The following NEDD4L variants were observed in gnomAD, a reference collection of about 807,000 sequenced individuals.
The protein encoded by NEDD4L is NEDD4 like E3 ubiquitin protein ligase.
Under a neutral mutation model 148.9 loss-of-function variants are expected in NEDD4L, and 54 were observed. That is an observed-to-expected ratio of 0.36 (90% confidence interval 0.29 to 0.45). The LOEUF (loss-of-function observed/expected upper bound fraction) is 0.45, where lower values mean the gene tolerates loss of function less well. Ranked by LOEUF, NEDD4L falls within the 20% of genes least tolerant of loss-of-function variation. The pLI is 1.00. For synonymous variants in NEDD4L, 433 were observed against 440.7 expected (o/e 0.98, Z 0.22); for missense variants, 856 against 1,233.8 (o/e 0.69, Z 4.59).
In NEDD4L at chr18:58,400,085, C is replaced by T. The variant is rs2050754494; in HGVS notation, c.*3816C>T. 1 of 152,372 alleles carries T rather than the reference C, an allele frequency of 6.6e-6. No individual in the cohort carries two copies. The highest frequency in any genetic ancestry group is 2.1e-4 in the South Asian group (1 of 4,832). The allele number at this position is 152,372 out of a possible 1,614,324, so 9.4% of individuals were successfully genotyped here. On this transcript the variant is annotated 3_prime_UTR_variant, in exon 31 of 31. Coordinates refer to ENST00000400345, the MANE Select transcript of NEDD4L (RefSeq NM_001144967.3). ...ACTGTGCTAGTTCTCCTTCTTCTGTCTCCTCCTTACCCTGGCCCTGCACCC... is the reference window on the plus strand; with the variant it reads ...ACTGTGCTAGTTCTCCTTCTTCTGTTTCCTCCTTACCCTGGCCCTGCACCC...
chr18:58,187,839 T>C (rs1348114202), intron 2 of NEDD4L, among the ~76,000 whole-genome samples: 1 of 152,000 alleles, frequency 6.6e-6, no homozygotes, highest in Non-Finnish European at 1.5e-5. Context: ...GTGCATTTCA[T>C]TTCTCTTTGG....
chr18:58,397,975 C>G lies in NEDD4L; in HGVS notation c.*1706C>G, dbSNP rs1014210296. 3 of 151,934 alleles carry G rather than the reference C, an allele frequency of 2.0e-5. No homozygotes were observed. Among genetic ancestry groups the G allele is most frequent in the Non-Finnish European group, 2.9e-5 (2 of 67,964 alleles). The allele number at this position is 151,934 out of a possible 1,614,324, so 9.4% of individuals were successfully genotyped here. ...GGTGTAAGAAATTGCCGTTTTTACC[C>G]TGCCCTGGCTGGCATGTGAGAAGCC... On this transcript the variant is annotated 3_prime_UTR_variant, in exon 31 of 31. Coordinates refer to ENST00000400345, the MANE Select transcript of NEDD4L (RefSeq NM_001144967.3).
chr18:58,390,446 G>A (rs149146719), intron 28 of NEDD4L, 200 bp from the exon 29 acceptor site: 14 of 479,656 alleles, frequency 2.9e-5, no homozygotes, highest in African/African-American at 9.6e-5. Context: ...AGAAAGAGAC[G>A]GACATTGTGA....
chr18:58,167,647 G>T (rs1327124584), intron 2 of NEDD4L, among the ~76,000 whole-genome samples: 1 of 151,996 alleles, frequency 6.6e-6, no homozygotes, highest in Non-Finnish European at 1.5e-5. Context: ...TGCTAGATTA[G>T]AAATTTACTG....
chr18:58,052,193 T>G (rs1257438798), intron 1 of NEDD4L, among the ~76,000 whole-genome samples: 3 of 152,236 alleles, frequency 2.0e-5, no homozygotes, highest in African/African-American at 7.2e-5. Context: ...AGCTGATAAT[T>G]ATCACAACTA....
chr18:58,285,615 C>T (rs1418327212), intron 5 of NEDD4L, among the ~76,000 whole-genome samples: 1 of 152,196 alleles, frequency 6.6e-6, no homozygotes, highest in Non-Finnish European at 1.5e-5. Flanking sequence ...GCTAGCCCAG[C>T]CTAAGCCCAG....
chr18:58,188,958 G>A (rs2039783747), intron 2 of NEDD4L, among the ~76,000 whole-genome samples: 1 of 151,840 alleles, frequency 6.6e-6, no homozygotes, highest in Non-Finnish European at 1.5e-5. Context: ...TCTCTCCCGG[G>A]CCACTTTGTC....
intron 6 of NEDD4L, among the ~76,000 whole-genome samples, chr18:58,320,629 C>T (rs1190975695): frequency 6.6e-6 from 1 of 152,106 alleles, no homozygotes; most frequent in East Asian, 1.9e-4. Flanking sequence ...GCCTGGGCAA[C>T]ATAGGAAGAC....
intron 24 of NEDD4L, among the ~76,000 whole-genome samples, chr18:58,381,366 A>G (rs931097902): frequency 6.6e-6 from 1 of 151,944 alleles, no homozygotes; most frequent in Non-Finnish European, 1.5e-5. Flanking sequence ...TCCCCTCCCC[A>G]CTTTGTCTGT....
intron 13 of NEDD4L, 34 bp downstream of exon 13, chr18:58,335,571 G>A: frequency 6.7e-7 from 1 of 1,503,200 alleles, no homozygotes. Context: ...TCAATAGCAA[G>A]AGGCCGTGAG....
chr18:58,059,167 G>A (rs930943830), intron 1 of NEDD4L, among the ~76,000 whole-genome samples: 7 of 152,056 alleles, frequency 4.6e-5, no homozygotes, highest in African/African-American at 1.7e-4. Flanking sequence ...GGGCTCAGCG[G>A]TTTCTCCCAC....
chr18:58,285,350 A>T (rs2149031764), intron 5 of NEDD4L, among the ~76,000 whole-genome samples: 1 of 152,050 alleles, frequency 6.6e-6, no homozygotes, highest in Non-Finnish European at 1.5e-5. Flanking sequence ...TGTGTTTGAG[A>T]TAGGGTCTTG....
chr18:58,365,192 G>A (rs2045956387), intron 20 of NEDD4L, among the ~76,000 whole-genome samples: 1 of 152,194 alleles, frequency 6.6e-6, no homozygotes, highest in South Asian at 2.1e-4. Flanking sequence ...TGATTCAAGA[G>A]CTTGCGGGTA....
intron 15 of NEDD4L, 64 bp downstream of exon 15, chr18:58,341,861 C>G: frequency 6.4e-7 from 1 of 1,557,482 alleles, no homozygotes; most frequent in Admixed American, 1.9e-5. Flanking sequence ...TTTCTTCTCT[C>G]TTAACTCTGC....
At chr18:58,316,084 T>A (rs1180736616) in intron 6 of NEDD4L, 52 bp downstream of exon 6, 3 of 1,424,868 alleles carry the variant, frequency 2.1e-6, no homozygotes, top group Non-Finnish European at 3.0e-6. Context: ...GGGTTTCTAA[T>A]TGTTTGTAGT....
chr18:58,291,238 A>T (rs1422988701), intron 5 of NEDD4L, among the ~76,000 whole-genome samples: 1 of 152,192 alleles, frequency 6.6e-6, no homozygotes, highest in Non-Finnish European at 1.5e-5. Context: ...GGTCACACAG[A>T]AAACCGGGCT....
intron 1 of NEDD4L, among the ~76,000 whole-genome samples, chr18:58,086,773 C>G (rs77984738): frequency 0.083 from 12,570 of 152,246 alleles, 623 homozygotes; most frequent in Admixed American, 0.15. Context: ...TGATAGTTAT[C>G]TAATGTTGTG....
intron 19 of NEDD4L, among the ~76,000 whole-genome samples, chr18:58,358,870 A>G (rs1351237512): frequency 6.6e-6 from 1 of 151,994 alleles, no homozygotes; most frequent in East Asian, 1.9e-4. Flanking sequence ...GGTTGTGCCT[A>G]TTCATTTTTT....
chr18:58,368,018 C>T, intron 22 of NEDD4L, 151 bp downstream of exon 22: 1 of 418,878 alleles, frequency 2.4e-6, no homozygotes, highest in Non-Finnish European at 3.2e-6. Flanking sequence ...GTCCTTTTCT[C>T]TGGTAGCTTA....
Sources: allele counts gnomAD v4.1 joint callset (sites outside exome capture counted in the v4.1 genomes callset), GRCh38; gene constraint gnomAD v4.1.1; transcripts MANE v1.5; gene names NCBI Gene and HGNC (gene_info 2026-07-23, HGNC 2026-07-21).